ZGRF1: variants seen among roughly 807,000 people sequenced by gnomAD.
ZGRF1 encodes 5'-3' DNA helicase ZGRF1.
In ZGRF1, 196 loss-of-function variants were observed where a neutral mutation model predicts 203.5. That is an observed-to-expected ratio of 0.96 (90% CI 0.86 to 1.08). ZGRF1 has a LOEUF of 1.08. ZGRF1 is among the 50% of genes least tolerant of loss of function. ZGRF1 has a pLI of 0.00. For missense variants in ZGRF1, 2,326 were observed against 2,416.3 expected (o/e 0.96, Z 0.78); for synonymous variants, 809 against 841.3 (o/e 0.96, Z 0.66).
intron 16 of ZGRF1, among the ~76,000 whole-genome samples, chr4:112,579,107 C>T (rs1745753703): frequency 8.1e-6 from 1 of 123,026 alleles, no homozygotes; most frequent in Non-Finnish European, 1.8e-5. Flanking sequence ...GGATGCAAGG[C>T]TGGTTCAACA....
intron 19 of ZGRF1, 65 bp downstream of exon 19, chr4:112,560,668 C>A: frequency 3.0e-6 from 4 of 1,311,512 alleles, no homozygotes; most frequent in Non-Finnish European, 4.2e-6. Flanking sequence ...TATAAAGGAG[C>A]AGACTGAGTT....
intron 19 of ZGRF1, among the ~76,000 whole-genome samples, chr4:112,558,639 G>A (rs1306205240): frequency 2.6e-5 from 4 of 152,202 alleles, no homozygotes; most frequent in South Asian, 2.1e-4. Flanking sequence ...AATTACAGGC[G>A]TGAGCCACTG....
chr4:112,554,610 C>T (rs1417149753), intron 21 of ZGRF1, 95 bp downstream of exon 21: 1 of 666,028 alleles, frequency 1.5e-6, no homozygotes, highest in East Asian at 2.8e-5. Flanking sequence ...AAGCCTTTCT[C>T]CATTCTTCAA....
intron 9 of ZGRF1, 23 bp downstream of exon 9, chr4:112,605,985 T>C (rs1750715998): frequency 1.4e-6 from 2 of 1,413,186 alleles, no homozygotes; most frequent in Non-Finnish European, 2.0e-6. Context: ...GTTAAATAAA[T>C]CGATGTTCTT....
intron 16 of ZGRF1, among the ~76,000 whole-genome samples, chr4:112,563,609 C>T (rs1469500202): frequency 2.0e-5 from 3 of 152,186 alleles, no homozygotes; most frequent in African/African-American, 7.2e-5. Context: ...CAATGGAAAT[C>T]CCTAGGTTTT....
At chr4:112,605,925 A>G (rs1750704601) in intron 9 of ZGRF1, 83 bp downstream of exon 9, 1 of 899,168 alleles carries the variant, frequency 1.1e-6, no homozygotes, top group Non-Finnish European at 1.8e-6. Context: ...GAAAACTCTG[A>G]TACTTGTTTT....
chr4:112,577,343 G>A lies in ZGRF1; in HGVS notation c.4438+4320C>T, dbSNP rs1198770171. Among the ~76,000 whole-genome samples, 8 of 122,600 alleles carry A rather than the reference G, an allele frequency of 6.5e-5. 3 individuals are homozygous for A. Among genetic ancestry groups the A allele is most frequent in the Non-Finnish European group, 1.3e-4 (7 of 54,924 alleles). 80.4% of individuals were successfully genotyped at this position (122,600 alleles called of 152,430 possible). On this transcript the variant is annotated intron_variant, in intron 16 of 27. Coordinates refer to ENST00000505019, the MANE Select transcript of ZGRF1 (RefSeq NM_018392.5). ...AAAAACATGCCAAATTGTAAAGCCCGTCGACGCTAGGAAGAAACTGCATCA... is the reference window on the plus strand; with the variant it reads ...AAAAACATGCCAAATTGTAAAGCCCATCGACGCTAGGAAGAAACTGCATCA...
intron 16 of ZGRF1, among the ~76,000 whole-genome samples, chr4:112,580,616 A>G (rs1746053644): frequency 6.6e-6 from 1 of 152,232 alleles, no homozygotes; most frequent in Non-Finnish European, 1.5e-5. Context: ...AAGTGGGCAA[A>G]GGATATGAAA....
Position 112,618,092 on chromosome 4 carries a change from C to G in ZGRF1, c.1950G>C (p.Trp650Cys), listed in dbSNP as rs2046945572. 1 of 1,613,780 alleles carries G rather than the reference C, an allele frequency of 6.2e-7. No homozygotes were observed. ...TATTATCTCCGTATACAGCATCAGTCCACTTGAAAGATTCAAAATTGCTTA... is the reference window on the plus strand; with the variant it reads ...TATTATCTCCGTATACAGCATCAGTGCACTTGAAAGATTCAAAATTGCTTA... ...DTLSNFESFK[W>C]TDAVYGDNKE... is the part of the protein sequence containing the mutation. Residue 650 changes from tryptophan to cysteine, a missense_variant, in exon 6 of 28, where the codon TGG (tryptophan) becomes TGC (cysteine). Coordinates refer to ENST00000505019, the MANE Select transcript of ZGRF1 (RefSeq NM_018392.5).
At position 112,584,197 on chromosome 4, in the gene ZGRF1, A is replaced by G. The variant is rs773962111; in HGVS notation, c.4102-23T>C. 2.0e-6 allele frequency: 3 copies of G among 1,487,560 alleles called. No homozygotes were observed. The South Asian group carries it at 4.0e-5, about 20-fold the overall frequency. The allele number at this position is 1,487,560 out of a possible 1,614,324, so 92.1% of individuals were successfully genotyped here. A position where few individuals can be genotyped will look rare whatever the true frequency, so the allele number is the denominator to read the frequency against. On this transcript the variant is annotated intron_variant, in intron 14 of 27. Coordinates refer to ENST00000505019, the MANE Select transcript of ZGRF1 (RefSeq NM_018392.5). Reference sequence around the variant, plus strand: ...ACCCTAAGGGGAAAGAAAAAAGATCAACATTTAGTGAAAAAAATGCTTTTA... The same window carrying G: ...ACCCTAAGGGGAAAGAAAAAAGATCGACATTTAGTGAAAAAAATGCTTTTA...
Position 112,563,366 on chromosome 4 carries a change from A to C in ZGRF1, c.4439-92T>G, listed in dbSNP as rs75816861. 8,113 of 890,640 alleles carry C rather than the reference A, an allele frequency of 9.1e-3. 441 individuals are homozygous for C. In the African/African-American group the frequency reaches 0.12, roughly 13 times the overall value. 55.2% of individuals were successfully genotyped at this position (890,640 alleles called of 1,614,324 possible). A position where few individuals can be genotyped will look rare whatever the true frequency, so the allele number is the denominator to read the frequency against. On this transcript the variant is annotated intron_variant, in intron 16 of 27. Transcript: ENST00000505019. ...TATATATATTTGCATATGTGTGTAC[A>C]TATATCTATAGTACACATATACATA...
intron 5 of ZGRF1, 61 bp downstream of exon 5, chr4:112,619,941 T>C: frequency 7.5e-7 from 1 of 1,340,702 alleles, no homozygotes; most frequent in Non-Finnish European, 1.0e-6. Context: ...CAAAATTCAC[T>C]ACTTTTCGAG....
At chr4:112,594,135 A>G (rs1578390727) in intron 10 of ZGRF1, among the ~76,000 whole-genome samples, 1 of 152,038 alleles carries the variant, frequency 6.6e-6, no homozygotes, top group Non-Finnish European at 1.5e-5. Flanking sequence ...ATCTCAATTT[A>G]TTTGTTTGTT....
intron 10 of ZGRF1, among the ~76,000 whole-genome samples, chr4:112,594,707 C>A (rs1748712369): frequency 6.6e-6 from 1 of 151,642 alleles, no homozygotes; most frequent in Non-Finnish European, 1.5e-5. Flanking sequence ...CCCACCTCAG[C>A]CCCCCAAAGT....
chr4:112,587,715 C>T lies in ZGRF1; in HGVS notation c.3342G>A (p.Glu1114=). ...AAAAGGTTTCATTTTGGTCCTCAGG[C>T]TCAATGCTAAACGAAAGAACTGCTG... is the stretch of plus-strand genomic sequence containing the variant. ...EKSAVLSFSI[E]PEDQNETFFS... Residue 1114 remains glutamate, a synonymous_variant, in exon 12 of 28, where the codon GAG becomes GAA. Transcript: ENST00000505019. 1.9e-6 allele frequency: 3 copies of T among 1,591,428 alleles called. No homozygotes were observed. The highest frequency in any genetic ancestry group is 1.7e-6 in the Non-Finnish European group (2 of 1,167,980).
intron 19 of ZGRF1, among the ~76,000 whole-genome samples, chr4:112,559,508 TCA>T (rs1741543522): frequency 1.3e-5 from 2 of 152,188 alleles, no homozygotes; most frequent in African/African-American, 4.8e-5. Context: ...TTTGACTTAA[TCA>T]GATTGTGTTT....
intron 15 of ZGRF1, 66 bp downstream of exon 15, chr4:112,583,912 T>C: frequency 2.0e-6 from 2 of 1,008,390 alleles, no homozygotes; most frequent in South Asian, 2.0e-5. Flanking sequence ...AAACTGATGA[T>C]AGTTCTGTGA....
At chr4:112,583,670 G>C (rs368533933) in intron 15 of ZGRF1, among the ~76,000 whole-genome samples, 1 of 152,044 alleles carries the variant, frequency 6.6e-6, no homozygotes, top group South Asian at 2.1e-4. Context: ...TGGGCATGGT[G>C]GCATGTGCCT....
chr4:112,563,389 A>G, intron 16 of ZGRF1, 115 bp from the exon 17 acceptor site: 1 of 658,070 alleles, frequency 1.5e-6, no homozygotes, highest in South Asian at 3.2e-5. Flanking sequence ...ACACATATAC[A>G]TACACAAGAT....
Sources: gnomAD v4.1 joint callset for allele counts (sites outside exome capture counted in the v4.1 genomes callset) on GRCh38, gnomAD v4.1.1 for gene constraint, MANE v1.5 for transcripts, NCBI Gene and HGNC (gene_info 2026-07-23, HGNC 2026-07-21) for gene names.